Variants in SCFD1 observed in about 807,000 individuals in gnomAD.
SCFD1 encodes the protein sec1 family domain containing 1, also known as sec1 family domain-containing protein 1.
Under a neutral mutation model 103.2 loss-of-function variants are expected in SCFD1, and 37 were observed. The ratio of observed to expected loss-of-function variants is 0.36; its 90% CI spans 0.28 to 0.47. SCFD1 has a LOEUF of 0.47. SCFD1 is among the 20% of genes least tolerant of loss of function. The pLI, the probability that SCFD1 is intolerant of heterozygous loss-of-function variation, is 1.00. For synonymous variants in SCFD1, 264 were observed against 245.0 expected, an observed-to-expected ratio of 1.08 and a Z score of -0.73; for missense variants, 639 against 761.2, an observed-to-expected ratio of 0.84 and a Z score of 1.89.
rs74043306 is a variant in SCFD1 at position 30,624,849 on chromosome 14, A to C, written c.61+2450A>C. On this transcript the variant is annotated intron_variant, in intron 1 of 24. Transcript: ENST00000458591. Reference sequence around the variant, plus strand: ...TTCCCTCTCCTTGAACCCACCAGGAATGCTCCCACCTTCGAGCCTTTGTAT... The same window carrying C: ...TTCCCTCTCCTTGAACCCACCAGGACTGCTCCCACCTTCGAGCCTTTGTAT... Among the ~76,000 whole-genome samples, 86 of 152,202 alleles carry C rather than the reference A, an allele frequency of 5.7e-4. 1 individual carries two copies. The highest frequency in any genetic ancestry group is 1.6e-3 in the African/African-American group (67 of 41,532).
rs141277189 is a variant in SCFD1, at chr14:30,670,022, C to T, written c.856-234C>T. 1.6e-3 allele frequency: 572 copies of T among 362,664 alleles called. 9 individuals are homozygous for T. In the East Asian group the frequency reaches 0.033, roughly 21 times the overall value. The allele number at this position is 362,664 out of a possible 1,614,324, so 22.5% of individuals were successfully genotyped here. On this transcript the variant is annotated intron_variant, in intron 10 of 24. Transcript: ENST00000458591. The stretch of plus-strand genomic sequence containing the variant: ...GCATCAATGTTTTTCTAGAAGGATA[C>T]ACAAGCATATTGACATGTTTTTCTC...
At chr14:30,660,351 C>T (rs1887326924) in intron 10 of SCFD1, among the ~76,000 whole-genome samples, 1 of 152,108 alleles carries the variant, frequency 6.6e-6, no homozygotes, top group Non-Finnish European at 1.5e-5. Flanking sequence ...TTTGTCAAGG[C>T]CACTTTAACT....
intron 3 of SCFD1, among the ~76,000 whole-genome samples, chr14:30,632,800 T>G (rs935244625): frequency 6.6e-6 from 1 of 152,220 alleles, no homozygotes; most frequent in African/African-American, 2.4e-5. Context: ...GTTTATCTAC[T>G]GAACTGTAAT....
intron 23 of SCFD1, among the ~76,000 whole-genome samples, chr14:30,727,059 A>G (rs1389050209): frequency 3.3e-5 from 5 of 152,198 alleles, no homozygotes; most frequent in Non-Finnish European, 7.3e-5. Flanking sequence ...TCTTATGAGT[A>G]GTAATTATTC....
chr14:30,724,012 C>CG (rs1566664151), intron 23 of SCFD1, among the ~76,000 whole-genome samples: 1 of 147,908 alleles, frequency 6.8e-6, no homozygotes, highest in African/African-American at 2.5e-5. Context: ...ATACTCCCAT[C>CG]GTGTTCCAAA....
chr14:30,695,110 C>G (rs568422180), intron 15 of SCFD1, among the ~76,000 whole-genome samples: 1 of 152,118 alleles, frequency 6.6e-6, no homozygotes, highest in Non-Finnish European at 1.5e-5. Context: ...TTTATATTCA[C>G]TTGTTTAAGG....
intron 19 of SCFD1, among the ~76,000 whole-genome samples, chr14:30,709,086 G>A (rs1409975132): frequency 6.6e-6 from 1 of 152,060 alleles, no homozygotes; most frequent in Non-Finnish European, 1.5e-5. Flanking sequence ...GCAAAACTGA[G>A]ATAATATTTT....
chr14:30,715,668 G>A, intron 19 of SCFD1: 1 of 288,560 alleles, frequency 3.5e-6, no homozygotes, highest in Non-Finnish European at 6.3e-6. Context: ...GCCCAAACAT[G>A]TATTTGTACT....
At chr14:30,653,748 A>C in intron 10 of SCFD1, 160 bp downstream of exon 10, 1 of 473,084 alleles carries the variant, frequency 2.1e-6, no homozygotes, top group Non-Finnish European at 3.7e-6. Context: ...CTGGGTGTGG[A>C]TGCTGGAAAA....
chr14:30,641,240 G>A (rs1885241939), intron 6 of SCFD1, among the ~76,000 whole-genome samples: 1 of 152,088 alleles, frequency 6.6e-6, no homozygotes. Context: ...TATATTAATA[G>A]CGTGGTATTG....
In SCFD1 at chr14:30,735,628, T is replaced by C. The variant is rs373720269; in HGVS notation, c.*19T>C. On this transcript the variant is annotated 3_prime_UTR_variant, in exon 25 of 25. Transcript: ENST00000458591. ...AAAGTAACACAGAAGAACCTTACTA[T>C]GATAATCTACTTGGAATGTGGATAA... 2.5e-6 allele frequency: 4 copies of C among 1,572,058 alleles called. No homozygotes were observed. Among genetic ancestry groups the C allele is most frequent in the African/African-American group, 2.7e-5 (2 of 73,478 alleles).
intron 7 of SCFD1, among the ~76,000 whole-genome samples, chr14:30,648,486 A>G (rs1005846830): frequency 1.3e-5 from 2 of 152,194 alleles, no homozygotes; most frequent in Non-Finnish European, 2.9e-5. Context: ...AAAAACTACA[A>G]TTTTTTATTG....
intron 20 of SCFD1, among the ~76,000 whole-genome samples, chr14:30,718,943 C>G (rs1368442790): frequency 6.6e-6 from 1 of 152,128 alleles, no homozygotes; most frequent in African/African-American, 2.4e-5. Flanking sequence ...TGTCAACACT[C>G]CAGAAGAGAA....
chr14:30,631,915 G>A lies in SCFD1; in HGVS notation c.221+1350G>A, dbSNP rs555040221. ...ACAAAAATTAGCTGGGCATGGTGGC[G>A]TACCCACCTGTAATCCTAGCTACTT... On this transcript the variant is annotated intron_variant, in intron 3 of 24. Coordinates refer to ENST00000458591, the MANE Select transcript of SCFD1 (RefSeq NM_016106.4). Among the ~76,000 whole-genome samples the A allele has an allele frequency of 7.2e-5, 11 of 151,930 alleles. No individual in the cohort carries two copies. The South Asian group carries it at 8.3e-4, about 12-fold the overall frequency.
In SCFD1 at chr14:30,667,461, C is replaced by G. The variant is rs1464228088; in HGVS notation, c.856-2795C>G. Among the ~76,000 whole-genome samples, 10 of 152,142 alleles carry G rather than the reference C, an allele frequency of 6.6e-5. 1 individual carries two copies. Among genetic ancestry groups the G allele is most frequent in the Admixed American group, 5.9e-4 (9 of 15,272 alleles). ...TACAGCCAATATCATACTGAATGGG[C>G]AAAAACTGGAAGCATTCCCTTTGAA... is the stretch of plus-strand genomic sequence containing the variant. On this transcript the variant is annotated intron_variant, in intron 10 of 24. Coordinates refer to ENST00000458591, the MANE Select transcript of SCFD1 (RefSeq NM_016106.4).
chr14:30,671,643 A>G (rs1888549505), intron 11 of SCFD1, among the ~76,000 whole-genome samples: 1 of 152,186 alleles, frequency 6.6e-6, no homozygotes, highest in Admixed American at 6.6e-5. Context: ...TGCATCTTAC[A>G]TACAATAGTA....
chr14:30,722,426 C>A, intron 22 of SCFD1, 68 bp from the exon 23 acceptor site: 2 of 1,159,394 alleles, frequency 1.7e-6, no homozygotes, highest in Non-Finnish European at 2.5e-6. Context: ...CATTTTTTAA[C>A]CTTAATTTTA....
intron 23 of SCFD1, among the ~76,000 whole-genome samples, chr14:30,727,615 C>G (rs944075207): frequency 1.3e-5 from 2 of 152,180 alleles, no homozygotes; most frequent in Non-Finnish European, 2.9e-5. Flanking sequence ...CAGGCTCTTA[C>G]GAGATACCAA....
rs746397759 is a variant in SCFD1, at chr14:30,622,350, G to A, written c.12G>A (p.Ala4=). 1.4e-5 allele frequency: 22 copies of A among 1,570,362 alleles called. No homozygotes were observed. The South Asian group carries it at 2.3e-4, about 17-fold the overall frequency. ...TCGTGGGAGCCAAGATGGCGGCGGC[G>A]GCGGCAGCGACAGCAGCAGCAGCAG... MAA[A]AAATAAAAAS... The change falls in exon 1 of 25, where the codon GCG becomes GCA. Residue 4 remains alanine, a synonymous_variant. Coordinates refer to ENST00000458591, the MANE Select transcript of SCFD1 (RefSeq NM_016106.4).
Sources: gnomAD v4.1 joint callset for allele counts (sites outside exome capture counted in the v4.1 genomes callset) on GRCh38, gnomAD v4.1.1 for gene constraint, MANE v1.5 for transcripts, NCBI Gene and HGNC (gene_info 2026-07-23, HGNC 2026-07-21) for gene names.